Variants in SPDEF observed in about 807,000 individuals in gnomAD.
SPDEF encodes SAM pointed domain containing ETS transcription factor.
SPDEF carries 12 observed loss-of-function variants against 36.0 expected under a neutral mutation model. The ratio of observed to expected loss-of-function variants is 0.33; its 90% CI spans 0.21 to 0.54. The LOEUF (loss-of-function observed/expected upper bound fraction) is 0.54. Ranked by LOEUF, SPDEF falls within the 20% of genes least tolerant of loss-of-function variation. The pLI, the probability that SPDEF is intolerant of heterozygous loss-of-function variation, is 0.93. For missense variants in SPDEF, 388 were observed against 456.9 expected (o/e 0.85, Z 1.37); for synonymous variants, 205 against 193.0 (o/e 1.06, Z -0.51).
intron 1 of SPDEF, among the ~76,000 whole-genome samples, chr6:34,551,054 C>T (rs1276494597): frequency 7.9e-5 from 12 of 152,238 alleles, no homozygotes; most frequent in African/African-American, 1.2e-4. Context: ...TCCCACTTGA[C>T]GGACAAGGGC....
rs760577698 is a variant in SPDEF at position 34,544,342 on chromosome 6, G to A, written c.114C>T (p.Leu38=). Residue 38 remains leucine (L), a synonymous_variant, in exon 2 of 6, where the codon CTC becomes CTT. Transcript: ENST00000374037. The surrounding 1 kb of genome is among the most constrained non-coding windows in gnomAD (Gnocchi z 4.4). The part of the protein sequence containing the change: ...LEKAAAGAVG[L]ERRDWSPSPP... ...GACTGGGACTCCAGTCCCGTCTCTC[G>A]AGACCCACTGCCCCCGCTGCCGCCT... 9 of 1,606,530 alleles carry A rather than the reference G, an allele frequency of 5.6e-6. No homozygotes were observed. The highest frequency in any genetic ancestry group is 1.3e-5 in the African/African-American group (1 of 74,908).
intron 1 of SPDEF, among the ~76,000 whole-genome samples, chr6:34,547,427 A>T (rs1314633941): frequency 6.6e-6 from 1 of 152,108 alleles, no homozygotes; most frequent in African/African-American, 2.4e-5. Context: ...GTGCAGGGGC[A>T]TGATCATGGC....
At chr6:34,554,777 C>G (rs549995040) in intron 1 of SPDEF, among the ~76,000 whole-genome samples, 1 of 152,242 alleles carries the variant, frequency 6.6e-6, no homozygotes, top group Non-Finnish European at 1.5e-5. Context: ...GTCTCCTCCC[C>G]ATCCCTGCCC....
Position 34,552,533 on chromosome 6 carries a change from G to T in SPDEF, c.-30+3396C>A, listed in dbSNP as rs539599192. 6.6e-6 allele frequency among the ~76,000 whole-genome samples: 1 copy of T among 152,206 alleles called. No homozygotes were observed. The highest frequency in any genetic ancestry group is 2.4e-5 in the African/African-American group (1 of 41,456). On this transcript the variant is annotated intron_variant, in intron 1 of 5. Coordinates refer to ENST00000374037, the MANE Select transcript of SPDEF (RefSeq NM_012391.3). This position sits in a 1 kb window ranked among gnomAD's most constrained non-coding sequence, Gnocchi z 4.6. ...GTGGTGACTGCTGTCTCCATCTGCCGTGTTTCTGCGGCCCCTCCAGACCCA... is the reference window on the plus strand; with the variant it reads ...GTGGTGACTGCTGTCTCCATCTGCCTTGTTTCTGCGGCCCCTCCAGACCCA...
rs774531479 is a variant in SPDEF, at chr6:34,544,072, G to A, written c.384C>T (p.Gly128=). Residue 128 remains glycine (G), a synonymous_variant, in exon 2 of 6, where the codon GGC becomes GGT. Transcript: ENST00000374037. This position sits in a 1 kb window ranked among gnomAD's most constrained non-coding sequence, Gnocchi z 4.4. ...CCGTCTCGATGTCCTTGAGCACTTC[G>A]CCCACCACCATGGACTGCACCTGCT... The part of the protein sequence containing the change: ...SLEQVQSMVV[G]EVLKDIETAC... 3.7e-5 allele frequency: 60 copies of A among 1,613,016 alleles called. No individual in the cohort carries two copies. Among genetic ancestry groups the A allele is most frequent in the Non-Finnish European group, 4.4e-5 (52 of 1,179,742 alleles).
rs1001272307 is a variant in SPDEF, at chr6:34,538,674, G to A, written c.830-222C>T. ...TGCAAAGCAGGTGCCACAGGCCCCA[G>A]TGAATGGCAGAGAATACTCTGGAGT... On this transcript the variant is annotated intron_variant, in intron 5 of 5. Transcript: ENST00000374037. The surrounding 1 kb of genome is among the most constrained non-coding windows in gnomAD (Gnocchi z 5.9). 6.6e-6 allele frequency among the ~76,000 whole-genome samples: 1 copy of A among 152,220 alleles called. No homozygotes were observed. Among genetic ancestry groups the A allele is most frequent in the Non-Finnish European group, 1.5e-5 (1 of 68,038 alleles).
chr6:34,541,158 T>C lies in SPDEF; in HGVS notation c.460A>G (p.Asn154Asp). ...GTCCACAGGAGCCACTTCTGCACAT[T>C]GCTGGGGCTCCAGTCCATGGGATCT... The part of the protein sequence containing the change: ...TADPMDWSPS[N>D]VQKWLLWTEH... Residue 154 changes from asparagine (N) to aspartate (D), a missense_variant, in exon 3 of 6, where the codon AAT becomes GAT. Physicochemically the swap from Asn to Asp is conservative, Grantham distance 23 (BLOSUM62 1). Around this residue, in one of 2 missense-constraint regions of SPDEF, gnomAD observed 308 missense variants for 326.1 expected, o/e 0.94. Coordinates refer to ENST00000374037, the MANE Select transcript of SPDEF (RefSeq NM_012391.3). 6.2e-7 allele frequency: 1 copy of C among 1,606,230 alleles called. No homozygotes were observed. The highest frequency in any genetic ancestry group is 8.5e-7 in the Non-Finnish European group (1 of 1,176,394).
chr6:34,548,141 C>T (rs1368580370), intron 1 of SPDEF, among the ~76,000 whole-genome samples: 1 of 152,210 alleles, frequency 6.6e-6, no homozygotes, highest in Non-Finnish European at 1.5e-5. Context: ...CCACATCACC[C>T]GCTTTCCTAC....
chr6:34,547,111 G>A (rs764298654), intron 1 of SPDEF, among the ~76,000 whole-genome samples: 9 of 151,796 alleles, frequency 5.9e-5, no homozygotes, highest in African/African-American at 1.9e-4. Flanking sequence ...CACCCTGGGC[G>A]CCATGCCAGG....
At chr6:34,542,934 T>C (rs1029242447) in intron 2 of SPDEF, among the ~76,000 whole-genome samples, 13 of 141,640 alleles carry the variant, frequency 9.2e-5, no homozygotes, top group African/African-American at 3.4e-4. Context: ...TGGCTCACGC[T>C]AGTAATCCCA....
Position 34,554,961 on chromosome 6 carries a change from C to G in SPDEF, c.-30+968G>C, listed in dbSNP as rs184183116. 3.3e-5 allele frequency among the ~76,000 whole-genome samples: 5 copies of G among 152,280 alleles called. No homozygotes were observed. In the East Asian group the frequency reaches 9.6e-4, roughly 29 times the overall value. On this transcript the variant is annotated intron_variant, in intron 1 of 5. Coordinates refer to ENST00000374037, the MANE Select transcript of SPDEF (RefSeq NM_012391.3). ...TGGCCATCATAAAGGACACAGGCTA[C>G]GCGGGGCTCATGGCCTGGGTGTGGG...
intron 2 of SPDEF, among the ~76,000 whole-genome samples, chr6:34,542,814 CAG>C (rs1561977660): frequency 6.8e-6 from 1 of 147,224 alleles, no homozygotes; most frequent in Non-Finnish European, 1.5e-5. Flanking sequence ...CGCTTGAACC[CAG>C]AGGCAGAGGT....
chr6:34,546,179 G>A (rs1438618895), intron 1 of SPDEF, among the ~76,000 whole-genome samples: 2 of 152,236 alleles, frequency 1.3e-5, no homozygotes, highest in Non-Finnish European at 2.9e-5. Flanking sequence ...TTCTCAGGCA[G>A]TTCACAGCCA....
In SPDEF at chr6:34,544,502, G is replaced by T; in HGVS notation, c.-29-18C>A. On this transcript the variant is annotated intron_variant, in intron 1 of 5. Transcript: ENST00000374037. The surrounding 1 kb of genome is among the most constrained non-coding windows in gnomAD (Gnocchi z 4.4). ...GGCTGTGTCTACGGAAATGAAAGAGGACTCAGGTTTGACTGCTTCTCCATC... is the reference window on the plus strand; with the variant it reads ...GGCTGTGTCTACGGAAATGAAAGAGTACTCAGGTTTGACTGCTTCTCCATC... 1 of 1,483,278 alleles carries T rather than the reference G, an allele frequency of 6.7e-7. No individual in the cohort carries two copies. The highest frequency in any genetic ancestry group is 8.9e-7 in the Non-Finnish European group (1 of 1,118,986). The allele number at this position is 1,483,278 out of a possible 1,614,324, so 91.9% of individuals were successfully genotyped here. A position where few individuals can be genotyped will look rare whatever the true frequency, so the allele number is the denominator to read the frequency against.
At position 34,556,090 on chromosome 6, in the gene SPDEF, G is replaced by A. The variant is rs1768158948; in HGVS notation, c.-191C>T. 1 of 152,396 alleles carries A rather than the reference G, an allele frequency of 6.6e-6. No individual in the cohort carries two copies. 9.4% of individuals were successfully genotyped at this position (152,396 alleles called of 1,614,324 possible). A position where few individuals can be genotyped will look rare whatever the true frequency, so the allele number is the denominator to read the frequency against. Reference sequence around the variant, plus strand: ...GGCTGGTGGCAGAGGCAGCACTCAGGTTGGCCACTGGGGGCCTGGCCACCC... The same window carrying A: ...GGCTGGTGGCAGAGGCAGCACTCAGATTGGCCACTGGGGGCCTGGCCACCC... On this transcript the variant is annotated 5_prime_UTR_variant, in exon 1 of 6. Coordinates refer to ENST00000374037, the MANE Select transcript of SPDEF (RefSeq NM_012391.3).
chr6:34,548,795 T>C (rs1191520721), intron 1 of SPDEF, among the ~76,000 whole-genome samples: 1 of 152,162 alleles, frequency 6.6e-6, no homozygotes, highest in African/African-American at 2.4e-5. Context: ...GAGCCCTCCC[T>C]AATAGCTCCC....
At position 34,544,315 on chromosome 6, in the gene SPDEF, T is replaced by A. The variant is rs746423336; in HGVS notation, c.141A>T (p.Pro47=). The A allele has an allele frequency of 6.8e-6, 11 of 1,607,084 alleles. No individual in the cohort carries two copies. The highest frequency in any genetic ancestry group is 9.3e-6 in the Non-Finnish European group (11 of 1,179,242). ...GLERRDWSPS[P]PATPEQGLSA... is the part of the protein sequence containing the mutation. The stretch of plus-strand genomic sequence containing the variant: ...ACAGGCCCTGCTCGGGCGTGGCGGG[T>A]GGACTGGGACTCCAGTCCCGTCTCT... Residue 47 remains proline, a synonymous_variant, in exon 2 of 6, where the codon CCA becomes CCT. Coordinates refer to ENST00000374037, the MANE Select transcript of SPDEF (RefSeq NM_012391.3). The surrounding 1 kb of genome is among the most constrained non-coding windows in gnomAD (Gnocchi z 4.4).
rs367742709 is a variant in SPDEF, at chr6:34,550,241, C to T, written c.-30+5688G>A. 1.5e-3 allele frequency among the ~76,000 whole-genome samples: 232 copies of T among 152,110 alleles called. 1 individual carries two copies. The highest frequency in any genetic ancestry group is 4.9e-3 in the African/African-American group (202 of 41,364). On this transcript the variant is annotated intron_variant, in intron 1 of 5. Transcript: ENST00000374037. The stretch of plus-strand genomic sequence containing the variant: ...CTTCTCTGCTCCTCCAACCCTTCCA[C>T]AGGGAGGACCTTGCTGCAACCTCAC...
intron 2 of SPDEF, among the ~76,000 whole-genome samples, chr6:34,542,735 T>C (rs897935287): frequency 1.5e-4 from 23 of 150,770 alleles, no homozygotes; most frequent in African/African-American, 4.9e-4. Context: ...ACTAAAAATA[T>C]AAAAATTAGC....
Sources: allele counts gnomAD v4.1 joint callset (sites outside exome capture counted in the v4.1 genomes callset), GRCh38; gene constraint gnomAD v4.1.1; regional missense constraint gnomAD v4.1.1; non-coding constraint Gnocchi (gnomAD v3.1); transcripts MANE v1.5; gene names NCBI Gene and HGNC (gene_info 2026-07-23, HGNC 2026-07-21).